PAN3: variants seen among roughly 807,000 people sequenced by gnomAD.
PAN3 encodes the protein poly(A) specific ribonuclease subunit PAN3, also known as PAN2-PAN3 deadenylation complex subunit PAN3.
In PAN3, 19 loss-of-function variants were observed where a neutral mutation model predicts 96.2. The observed-to-expected ratio is 0.20, with a 90% CI of 0.14 to 0.29. The LOEUF (loss-of-function observed/expected upper bound fraction) is 0.29, where lower values mean the gene tolerates loss of function less well. PAN3 is among the 10% of genes least tolerant of loss of function. PAN3 has a pLI of 1.00. For missense variants in PAN3, 882 were observed against 1,108.1 expected, an observed-to-expected ratio of 0.80 and a Z score of 2.90; for synonymous variants, 433 against 406.6, an observed-to-expected ratio of 1.06 and a Z score of -0.78.
intron 8 of PAN3, among the ~76,000 whole-genome samples, chr13:28,261,019 A>G (rs1885675810): frequency 6.6e-6 from 1 of 152,180 alleles, no homozygotes; most frequent in Non-Finnish European, 1.5e-5. Flanking sequence ...ATTTCACTTT[A>G]CACTCAGATT....
intron 6 of PAN3, among the ~76,000 whole-genome samples, chr13:28,231,256 G>A (rs1308642992): frequency 6.6e-6 from 1 of 152,138 alleles, no homozygotes; most frequent in Non-Finnish European, 1.5e-5. Context: ...ATTAATGACA[G>A]TTCATCTAGA....
Position 28,220,387 on chromosome 13 carries a change from A to G in PAN3, c.1000+9A>G. ...TGCTGGATTAGCGCCAGGTAAGTTG[A>G]GTAACTATTTCCAGTGAGTTCCAGA... is the stretch of plus-strand genomic sequence containing the variant. On this transcript the variant is annotated intron_variant, in intron 6 of 18. Transcript: ENST00000380958. 2 of 1,612,754 alleles carry G rather than the reference A, an allele frequency of 1.2e-6. No individual in the cohort carries two copies. Among genetic ancestry groups the G allele is most frequent in the Non-Finnish European group, 1.7e-6 (2 of 1,179,244 alleles).
At chr13:28,200,500 C>G (rs1878566349) in intron 5 of PAN3, among the ~76,000 whole-genome samples, 1 of 152,190 alleles carries the variant, frequency 6.6e-6, no homozygotes, top group Non-Finnish European at 1.5e-5. Context: ...TGCAGTCATT[C>G]ATACTGCATT....
intron 6 of PAN3, among the ~76,000 whole-genome samples, chr13:28,251,870 G>GGGTT (rs951890792): frequency 4.5e-4 from 47 of 104,218 alleles, no homozygotes; most frequent in Admixed American, 1.1e-3. Flanking sequence ...CTTGCTCTTG[G>GGGTT]GGTTGGTTTG....
chr13:28,176,446 TTTCTGTA>T (rs1385224345), intron 2 of PAN3, 40 bp from the exon 3 acceptor site: 1 of 1,548,036 alleles, frequency 6.5e-7, no homozygotes, highest in South Asian at 1.1e-5. Context: ...GATACTTTTA[TTTCTGTA>T]TTCCTCAGTG....
At chr13:28,263,267 T>C (rs539539099) in intron 9 of PAN3, among the ~76,000 whole-genome samples, 2 of 152,340 alleles carry the variant, frequency 1.3e-5, no homozygotes, top group East Asian at 3.9e-4. Context: ...AGACACGTTC[T>C]GTGATAAAGT....
chr13:28,240,511 T>C (rs1276144449), intron 6 of PAN3, among the ~76,000 whole-genome samples: 3 of 152,194 alleles, frequency 2.0e-5, no homozygotes, highest in African/African-American at 2.4e-5. Context: ...TGAAAATATA[T>C]AGGAGTAATG....
At chr13:28,143,674 C>T (rs1870178070) in intron 1 of PAN3, among the ~76,000 whole-genome samples, 1 of 152,134 alleles carries the variant, frequency 6.6e-6, no homozygotes, top group Admixed American at 6.6e-5. Flanking sequence ...ATTGAGGTTT[C>T]AGTCTTAGTT....
chr13:28,236,310 G>A (rs969482737), intron 6 of PAN3, among the ~76,000 whole-genome samples: 2 of 152,008 alleles, frequency 1.3e-5, no homozygotes, highest in African/African-American at 2.4e-5. Context: ...AATCACATAC[G>A]GTGCTTTGAA....
chr13:28,288,509 C>G (rs1381682974), intron 18 of PAN3, among the ~76,000 whole-genome samples: 2 of 152,174 alleles, frequency 1.3e-5, no homozygotes, highest in African/African-American at 4.8e-5. Flanking sequence ...CCAGGCTGGT[C>G]TCGAACTCCT....
chr13:28,254,391 T>G (rs1884975151), intron 6 of PAN3, among the ~76,000 whole-genome samples: 2 of 152,224 alleles, frequency 1.3e-5, no homozygotes, highest in African/African-American at 4.8e-5. Flanking sequence ...CCTGAAACAT[T>G]GAAAGGGCTC....
chr13:28,177,776 T>G, intron 3 of PAN3, 89 bp from the exon 4 acceptor site: 1 of 1,028,584 alleles, frequency 9.7e-7, no homozygotes, highest in South Asian at 1.3e-5. Flanking sequence ...TGTCATTTGA[T>G]TTTTATAGGC....
At chr13:28,193,744 A>AG (rs1877590732) in intron 4 of PAN3, among the ~76,000 whole-genome samples, 3 of 149,276 alleles carry the variant, frequency 2.0e-5, no homozygotes, top group African/African-American at 5.0e-5. Context: ...CTTAAAAAAA[A>AG]AAAAAAAAAA....
At chr13:28,283,868 A>G (rs1868617278) in intron 17 of PAN3, among the ~76,000 whole-genome samples, 1 of 152,138 alleles carries the variant, frequency 6.6e-6, no homozygotes, top group African/African-American at 2.4e-5. Context: ...CCTAACCACT[A>G]TGCTATGTGT....
At chr13:28,262,970 A>C (rs770108489) in intron 9 of PAN3, among the ~76,000 whole-genome samples, 1 of 152,244 alleles carries the variant, frequency 6.6e-6, no homozygotes, top group Non-Finnish European at 1.5e-5. Context: ...AGACAGAACA[A>C]GTAAGATGTC....
At chr13:28,226,256 T>C (rs1008412489) in intron 6 of PAN3, among the ~76,000 whole-genome samples, 1 of 152,228 alleles carries the variant, frequency 6.6e-6, no homozygotes, top group African/African-American at 2.4e-5. Context: ...ACCATATTTA[T>C]ATGGTTCTTA....
chr13:28,199,776 C>T (rs765642472), intron 5 of PAN3, among the ~76,000 whole-genome samples: 2 of 151,548 alleles, frequency 1.3e-5, no homozygotes, highest in Non-Finnish European at 2.9e-5. Flanking sequence ...TTTTTAATAT[C>T]GTTTTGTGTT....
At chr13:28,163,317 GT>G (rs1273815092) in intron 1 of PAN3, among the ~76,000 whole-genome samples, 11 of 151,688 alleles carry the variant, frequency 7.3e-5, no homozygotes, top group African/African-American at 2.4e-4. Context: ...TCAAAAGGAA[GT>G]TTTTTTTTCT....
chr13:28,265,174 G>A (rs556735881), intron 9 of PAN3, among the ~76,000 whole-genome samples: 226 of 152,266 alleles, frequency 1.5e-3, no homozygotes, highest in African/African-American at 5.3e-3. Context: ...AGGTAAATGC[G>A]CAAAAGTAAA....
Sources: gnomAD v4.1 joint callset for allele counts (sites outside exome capture counted in the v4.1 genomes callset) on GRCh38, gnomAD v4.1.1 for gene constraint, MANE v1.5 for transcripts, NCBI Gene and HGNC (gene_info 2026-07-23, HGNC 2026-07-21) for gene names.